Variants in UACA observed in about 807,000 individuals in gnomAD.
UACA encodes nuclear membrane binding protein.
A neutral mutation model predicts 160.5 loss-of-function variants in UACA; 112 were observed. The observed-to-expected ratio is 0.70, with a 90% CI of 0.60 to 0.82. The LOEUF is 0.82. Ranked by LOEUF, UACA falls within the 40% of genes least tolerant of loss-of-function variation. The probability of loss-of-function intolerance (pLI) is 0.00; values close to 1 mark genes in which losing one functional copy is unlikely to be tolerated. For missense variants in UACA, 1,574 were observed against 1,614.6 expected, an observed-to-expected ratio of 0.97 and a Z score of 0.43; for synonymous variants, 557 against 568.4, an observed-to-expected ratio of 0.98 and a Z score of 0.29.
intron 11 of UACA, 115 bp from the exon 12 acceptor site, chr15:70,677,255 G>A (rs1310400601): frequency 1.4e-6 from 1 of 692,338 alleles, no homozygotes; most frequent in East Asian, 2.8e-5. Flanking sequence ...CTAGGGCCAA[G>A]GATATGAGAA....
chr15:70,671,223 A>T (rs988547218), intron 14 of UACA, 132 bp from the exon 15 acceptor site: 10 of 531,562 alleles, frequency 1.9e-5, no homozygotes, highest in Non-Finnish European at 2.9e-5. Flanking sequence ...AAGTATCCTC[A>T]TTCTAAAATA....
chr15:70,764,505 C>T (rs931029825), upstream of UACA, among the ~76,000 whole-genome samples: 4 of 152,164 alleles, frequency 2.6e-5, no homozygotes, highest in African/African-American at 9.7e-5. Flanking sequence ...CCCAGCAAAA[C>T]GTTTATCGTA....
At chr15:70,708,607 A>G (rs1306615807) in intron 1 of UACA, among the ~76,000 whole-genome samples, 1 of 151,974 alleles carries the variant, frequency 6.6e-6, no homozygotes, top group East Asian at 1.9e-4. Flanking sequence ...AGCTGGGATT[A>G]CAGGTGCACA....
chr15:70,677,127 G>C lies in UACA; in HGVS notation c.1013C>G (p.Ala338Gly), dbSNP rs1290454831. The C allele has an allele frequency of 6.2e-7, 1 of 1,602,530 alleles. No individual in the cohort carries two copies. Among genetic ancestry groups the C allele is most frequent in the African/African-American group, 1.3e-5 (1 of 74,186 alleles). The change falls in exon 12 of 19, where the codon GCT becomes GGT. Residue 338 changes from alanine to glycine, a missense_variant. Transcript: ENST00000322954. ...CCCTACCTCGCTTTCCAGATCATCA[G>C]CAACCATAACTTCCTAAATTTAAAA... ...QLQLNEEVMV[A>G]DDLESEREKL... is the part of the protein sequence containing the mutation.
the UACA span, among the ~76,000 whole-genome samples, chr15:70,769,476 T>A: frequency 1.3e-5 from 2 of 151,662 alleles, no homozygotes; most frequent in Admixed American, 1.3e-4. Context: ...TGGTTTCAGT[T>A]ATGGGAAAGG....
chr15:70,683,651 T>G (rs1024119108), intron 8 of UACA, among the ~76,000 whole-genome samples: 1 of 152,010 alleles, frequency 6.6e-6, no homozygotes, highest in Admixed American at 6.6e-5. Flanking sequence ...AATCATACTA[T>G]AGAAAAACTA....
At chr15:70,716,913 A>T (rs963767851) in intron 1 of UACA, among the ~76,000 whole-genome samples, 1 of 152,302 alleles carries the variant, frequency 6.6e-6, no homozygotes, top group East Asian at 1.9e-4. Context: ...TTTATTAATA[A>T]ATTTGTGGCT....
intron 2 of UACA, among the ~76,000 whole-genome samples, chr15:70,698,093 A>G (rs1898198152): frequency 6.6e-6 from 1 of 152,250 alleles, no homozygotes; most frequent in Admixed American, 6.5e-5. Flanking sequence ...CTCTATGATG[A>G]AAACTTCAAG....
chr15:70,662,453 T>G (rs1896744384), intron 17 of UACA, among the ~76,000 whole-genome samples: 1 of 152,150 alleles, frequency 6.6e-6, no homozygotes, highest in African/African-American at 2.4e-5. Flanking sequence ...AATTTATAGA[T>G]TCAATGCCAT....
intron 1 of UACA, among the ~76,000 whole-genome samples, chr15:70,754,371 T>C (rs1467954574): frequency 6.6e-6 from 1 of 152,198 alleles, no homozygotes; most frequent in Non-Finnish European, 1.5e-5. Flanking sequence ...GTATTCGGTA[T>C]TGAATTCATG....
the UACA span, among the ~76,000 whole-genome samples, chr15:70,770,175 T>A: frequency 1.3e-5 from 2 of 152,228 alleles, no homozygotes; most frequent in Non-Finnish European, 2.9e-5. Flanking sequence ...TTCTGCATGC[T>A]CCTTCTTCAA....
At chr15:70,761,376 A>G (rs906850277) in intron 1 of UACA, among the ~76,000 whole-genome samples, 1 of 152,172 alleles carries the variant, frequency 6.6e-6, no homozygotes, top group East Asian at 1.9e-4. Flanking sequence ...TACCTATTCA[A>G]AAAATAACTG....
intron 1 of UACA, among the ~76,000 whole-genome samples, chr15:70,729,073 T>C (rs956674875): frequency 1.3e-5 from 2 of 152,248 alleles, no homozygotes; most frequent in African/African-American, 4.8e-5. Context: ...AGGTAATTCA[T>C]ATATACTGCT....
chr15:70,719,443 C>T (rs1193127221), intron 1 of UACA, among the ~76,000 whole-genome samples: 2 of 152,138 alleles, frequency 1.3e-5, no homozygotes, highest in Non-Finnish European at 2.9e-5. Context: ...TGTGGACCCA[C>T]GGAAGCTCAA....
intron 17 of UACA, 144 bp from the exon 18 acceptor site, chr15:70,660,360 C>A: frequency 1.7e-6 from 1 of 579,386 alleles, no homozygotes; most frequent in Non-Finnish European, 3.0e-6. Context: ...CTTGGACCTA[C>A]CAGATGCAGA....
intron 1 of UACA, among the ~76,000 whole-genome samples, chr15:70,752,465 A>G (rs536054717): frequency 6.6e-6 from 1 of 151,458 alleles, no homozygotes; most frequent in East Asian, 1.9e-4. Context: ...AAAGTTAAAC[A>G]CTCCTACTTT....
At chr15:70,657,266 GA>G (rs1896507874) in intron 18 of UACA, 139 bp from the exon 19 acceptor site, 2 of 701,718 alleles carry the variant, frequency 2.9e-6, no homozygotes, top group Non-Finnish European at 4.9e-6. Context: ...ATTTCTAAAG[GA>G]ATTACTGGAA....
intron 1 of UACA, among the ~76,000 whole-genome samples, chr15:70,707,568 TCAACAA>T (rs953230208): frequency 6.6e-6 from 1 of 151,858 alleles, no homozygotes; most frequent in African/African-American, 2.4e-5. Context: ...TTACTATGAC[TCAACAA>T]CAACAACAAC....
intron 18 of UACA, among the ~76,000 whole-genome samples, chr15:70,659,066 T>C (rs561334453): frequency 6.6e-6 from 1 of 152,190 alleles, no homozygotes; most frequent in Admixed American, 6.5e-5. Flanking sequence ...GCCTCTCTAA[T>C]ACAGATTTTC....
Sources: gnomAD v4.1 joint callset for allele counts (sites outside exome capture counted in the v4.1 genomes callset) on GRCh38, gnomAD v4.1.1 for gene constraint, MANE v1.5 for transcripts, NCBI Gene and HGNC (gene_info 2026-07-23, HGNC 2026-07-21) for gene names.